FABP12: variants seen among roughly 807,000 people sequenced by gnomAD.
FABP12 encodes the protein fatty acid binding protein 12.
FABP12 carries 19 observed loss-of-function variants against 13.7 expected under a neutral mutation model. The ratio of observed to expected loss-of-function variants is 1.39; its 90% confidence interval spans 0.97 to 2.04. The LOEUF (loss-of-function observed/expected upper bound fraction) is 2.04. FABP12 is among the 30% of genes most tolerant of loss of function. The pLI, the probability that FABP12 is intolerant of heterozygous loss-of-function variation, is 0.00. For missense variants in FABP12, 182 were observed against 164.2 expected, an observed-to-expected ratio of 1.11 and a Z score of -0.59; for synonymous variants, 61 against 57.0, an observed-to-expected ratio of 1.07 and a Z score of -0.32.
chr8:81,571,341 C>T (rs984873879), intron 1 of FABP12, among the ~76,000 whole-genome samples: 1 of 152,228 alleles, frequency 6.6e-6, no homozygotes, highest in Non-Finnish European at 1.5e-5. Context: ...GCTGCAGCCG[C>T]ACTTGGTCAT....
At chr8:81,571,427 A>G (rs985315858) in intron 1 of FABP12, among the ~76,000 whole-genome samples, 15 of 152,204 alleles carry the variant, frequency 9.9e-5, no homozygotes, top group Admixed American at 2.0e-4. Context: ...TCTGCCTCGA[A>G]GACGTGGGGC....
At chr8:81,555,497 C>T (rs529709667) in intron 1 of FABP12, among the ~76,000 whole-genome samples, 6 of 152,080 alleles carry the variant, frequency 3.9e-5, no homozygotes, top group African/African-American at 1.4e-4. Flanking sequence ...AAATGGAAAC[C>T]TGGTTTTAAA....
chr8:81,531,426 T>C (rs1217217013), intron 1 of FABP12, 36 bp from the exon 2 acceptor site: 2 of 665,408 alleles, frequency 3.0e-6, no homozygotes, highest in African/African-American at 1.8e-5. Context: ...GAGAATGAGA[T>C]GAGAAAAGTT....
Position 81,527,018 on chromosome 8 carries a change from A to C in FABP12, c.348+2T>G. On this transcript the variant is annotated splice_donor_variant, in intron 4 of 4. Coordinates refer to ENST00000360464, the Ensembl canonical transcript of FABP12. LOFTEE classifies it high-confidence loss of function. ...GAAGAAAGCGAGGATGGGCTAACTCACCACCACCATTTTCCCATCCACCAG... is the reference window on the plus strand; with the variant it reads ...GAAGAAAGCGAGGATGGGCTAACTCCCCACCACCATTTTCCCATCCACCAG... 6.3e-7 allele frequency: 1 copy of C among 1,586,634 alleles called. No homozygotes were observed. The highest frequency in any genetic ancestry group is 1.3e-5 in the African/African-American group (1 of 74,548).
chr8:81,577,980 T>C (rs1810081993), intron 1 of FABP12, among the ~76,000 whole-genome samples: 1 of 152,244 alleles, frequency 6.6e-6, no homozygotes, highest in Non-Finnish European at 1.5e-5. Context: ...CTCTAATTAT[T>C]TGTTTTTACT....
At chr8:81,559,219 T>C (rs1478341659) in intron 1 of FABP12, among the ~76,000 whole-genome samples, 1 of 152,184 alleles carries the variant, frequency 6.6e-6, no homozygotes, top group African/African-American at 2.4e-5. Context: ...TAAAATTTTC[T>C]CCATTCCAAA....
chr8:81,558,574 T>G (rs1289513542), intron 1 of FABP12, among the ~76,000 whole-genome samples: 1 of 152,054 alleles, frequency 6.6e-6, no homozygotes, highest in Non-Finnish European at 1.5e-5. Context: ...ATAGCCGAGA[T>G]ACTCTTGGCA....
At chr8:81,529,740 TAGG>T (rs1232158838) in intron 2 of FABP12, 130 bp from the exon 3 acceptor site, 2 of 867,200 alleles carry the variant, frequency 2.3e-6, no homozygotes, top group Non-Finnish European at 3.5e-6. Context: ...CTTTGCTAAC[TAGG>T]AGGTTTGCGA....
chr8:81,572,471 A>T (rs1809950460), intron 1 of FABP12, among the ~76,000 whole-genome samples: 1 of 152,192 alleles, frequency 6.6e-6, no homozygotes, highest in Admixed American at 6.5e-5. Flanking sequence ...GTAGATATCC[A>T]GTAATGGGAT....
At chr8:81,572,689 A>C (rs1331372723) in intron 1 of FABP12, among the ~76,000 whole-genome samples, 2 of 151,970 alleles carry the variant, frequency 1.3e-5, no homozygotes, top group East Asian at 3.9e-4. Context: ...ATTGATTTGC[A>C]TTTCCCTCAT....
At chr8:81,571,680 GAAC>G (rs1356864636) in intron 1 of FABP12, among the ~76,000 whole-genome samples, 1 of 152,210 alleles carries the variant, frequency 6.6e-6, no homozygotes, top group African/African-American at 2.4e-5. Flanking sequence ...AACTTTTTCA[GAAC>G]ATCATCAATG....
chr8:81,585,111 G>A (rs376096490), intron 1 of FABP12, among the ~76,000 whole-genome samples: 66 of 152,112 alleles, frequency 4.3e-4, no homozygotes, highest in African/African-American at 9.2e-4. Context: ...GTCAGTTTTC[G>A]GTTTTGTTTC....
At chr8:81,532,502 T>G (rs1186260376) in intron 1 of FABP12, among the ~76,000 whole-genome samples, 2 of 152,200 alleles carry the variant, frequency 1.3e-5, no homozygotes, top group African/African-American at 4.8e-5. Context: ...CACTACTGAT[T>G]AAATGTTCCA....
chr8:81,574,816 T>G (rs1810005462), intron 1 of FABP12, among the ~76,000 whole-genome samples: 1 of 152,166 alleles, frequency 6.6e-6, no homozygotes, highest in East Asian at 1.9e-4. Flanking sequence ...TGTTTCTTAG[T>G]GAGGTTACTT....
At chr8:81,575,093 C>T (rs576020110) in intron 1 of FABP12, among the ~76,000 whole-genome samples, 2 of 152,170 alleles carry the variant, frequency 1.3e-5, no homozygotes, top group Admixed American at 1.3e-4. Flanking sequence ...GTATGTAGGG[C>T]TATGAACTTT....
intron 1 of FABP12, among the ~76,000 whole-genome samples, chr8:81,563,887 A>G (rs1809771323): frequency 6.6e-6 from 1 of 152,186 alleles, no homozygotes; most frequent in South Asian, 2.1e-4. Flanking sequence ...AAGGATAATG[A>G]CAGAGAACTT....
At chr8:81,572,279 T>A (rs915733794) in intron 1 of FABP12, among the ~76,000 whole-genome samples, 2 of 152,342 alleles carry the variant, frequency 1.3e-5, no homozygotes, top group East Asian at 1.9e-4. Context: ...CTGCAAATGC[T>A]GTTAATTCAT....
rs376549013 is a variant in FABP12 at position 81,541,199 on chromosome 8, G to C, written c.-184-1456C>G. Among the ~76,000 whole-genome samples, 28 of 149,698 alleles carry C rather than the reference G, an allele frequency of 1.9e-4. No homozygotes were observed. In the East Asian group the frequency reaches 3.9e-3, roughly 21 times the overall value. Reference sequence around the variant, plus strand: ...AAAAAAAAATCAACAAATATAAAAAGACACACACACAAAGCGTGTATCACA... The same window carrying C: ...AAAAAAAAATCAACAAATATAAAAACACACACACACAAAGCGTGTATCACA... On this transcript the variant is annotated intron_variant, in intron 1 of 5. Transcript: ENST00000692030.
upstream of FABP12, among the ~76,000 whole-genome samples, chr8:81,537,553 T>G (rs1346833500): frequency 6.6e-6 from 1 of 152,232 alleles, no homozygotes; most frequent in African/African-American, 2.4e-5. Context: ...GAAAGTTCAC[T>G]AGAAAAATTT....
Sources: allele counts gnomAD v4.1 joint callset (sites outside exome capture counted in the v4.1 genomes callset), GRCh38; gene constraint gnomAD v4.1.1; transcripts MANE v1.5; gene names NCBI Gene and HGNC (gene_info 2026-07-23, HGNC 2026-07-21).